STUM: variants seen among roughly 807,000 people sequenced by gnomAD.
STUM encodes protein stum homolog.
Under a neutral mutation model 15.3 loss-of-function variants are expected in STUM, and 8 were observed. That is an observed-to-expected ratio of 0.52 (90% CI 0.31 to 0.94). STUM has a LOEUF of 0.94. STUM is among the 40% of genes least tolerant of loss of function. The probability of loss-of-function intolerance (pLI) is 0.05; values close to 1 mark genes in which losing one functional copy is unlikely to be tolerated. For synonymous variants in STUM, 78 were observed against 88.7 expected, an observed-to-expected ratio of 0.88 and a Z score of 0.68; for missense variants, 142 against 204.9, an observed-to-expected ratio of 0.69 and a Z score of 1.87.
chr1:226,561,271 G>A (rs1667537876), intron 1 of STUM, among the ~76,000 whole-genome samples: 1 of 152,202 alleles, frequency 6.6e-6, no homozygotes, highest in Non-Finnish European at 1.5e-5. Flanking sequence ...TGTAGTAGGT[G>A]TTTGCTGAAG....
chr1:226,557,807 C>A (rs1667470839), intron 1 of STUM, among the ~76,000 whole-genome samples: 1 of 152,130 alleles, frequency 6.6e-6, no homozygotes, highest in Non-Finnish European at 1.5e-5. Context: ...AAGATTTATC[C>A]CTAGGATGCC....
intron 1 of STUM, among the ~76,000 whole-genome samples, chr1:226,569,241 T>G (rs1183782296): frequency 6.6e-6 from 1 of 152,178 alleles, no homozygotes; most frequent in Non-Finnish European, 1.5e-5. Context: ...ACATATAAAG[T>G]CTTAGAATAG....
At chr1:226,569,431 C>T (rs563192333) in intron 1 of STUM, among the ~76,000 whole-genome samples, 5 of 152,250 alleles carry the variant, frequency 3.3e-5, no homozygotes, top group African/African-American at 9.6e-5. Flanking sequence ...CACTCAGCTC[C>T]GCACCTCCAT....
intron 1 of STUM, among the ~76,000 whole-genome samples, chr1:226,583,607 G>C (rs1453899928): frequency 6.6e-6 from 1 of 152,044 alleles, no homozygotes; most frequent in Non-Finnish European, 1.5e-5. Flanking sequence ...GGTCCTCAGG[G>C]AGCTCCTCCT....
At chr1:226,573,582 A>G (rs1289276884) in intron 1 of STUM, among the ~76,000 whole-genome samples, 1 of 152,202 alleles carries the variant, frequency 6.6e-6, no homozygotes, top group Non-Finnish European at 1.5e-5. Flanking sequence ...GGTGACTCAT[A>G]GTGATCCACA....
intron 1 of STUM, among the ~76,000 whole-genome samples, chr1:226,585,259 C>T (rs1162020867): frequency 6.6e-6 from 1 of 152,156 alleles, no homozygotes; most frequent in Non-Finnish European, 1.5e-5. Context: ...TTTTATTTTC[C>T]TAGTCATAAT....
intron 1 of STUM, among the ~76,000 whole-genome samples, chr1:226,592,845 T>C (rs1356803937): frequency 1.3e-5 from 2 of 152,208 alleles, no homozygotes; most frequent in Non-Finnish European, 2.9e-5. Flanking sequence ...ATTCCTCAGC[T>C]GCGGCCTTCT....
At chr1:226,570,862 AT>A (rs771151069) in intron 1 of STUM, among the ~76,000 whole-genome samples, 2 of 152,172 alleles carry the variant, frequency 1.3e-5, no homozygotes, top group African/African-American at 2.4e-5. Context: ...TTAAAAATGC[AT>A]TTTTAATGCA....
chr1:226,563,872 T>C (rs1667579668), intron 1 of STUM, among the ~76,000 whole-genome samples: 1 of 152,186 alleles, frequency 6.6e-6, no homozygotes, highest in Non-Finnish European at 1.5e-5. Flanking sequence ...GTGGCCTGAC[T>C]CAGAAGGGAA....
Position 226,596,844 on chromosome 1 carries a change from C to A in STUM, c.245C>A (p.Thr82Asn). Residue 82 changes from threonine (T) to asparagine (N), a missense_variant, in exon 2 of 4, where the codon ACC becomes AAC. Thr to Asn is a moderately conservative substitution (Grantham distance 65). Around this residue, in one of 2 missense-constraint regions of STUM, gnomAD observed 113 missense variants for 134.4 expected, o/e 0.84. Transcript: ENST00000366788. ...SAFTVLCGAR[T>N]DLPDRHVCCV... ...TTCACTGTGCTGTGCGGGGCCCGCACCGACCTCCCGGACAGGCATGTGTGC... is the reference window on the plus strand; with the variant it reads ...TTCACTGTGCTGTGCGGGGCCCGCAACGACCTCCCGGACAGGCATGTGTGC... The A allele has an allele frequency of 6.2e-7, 1 of 1,614,218 alleles. No homozygotes were observed. Among genetic ancestry groups the A allele is most frequent in the Non-Finnish European group, 8.5e-7 (1 of 1,180,040 alleles).
At chr1:226,563,931 T>C (rs921317265) in intron 1 of STUM, among the ~76,000 whole-genome samples, 6 of 152,174 alleles carry the variant, frequency 3.9e-5, no homozygotes, top group Non-Finnish European at 8.8e-5. Context: ...GTTCTGAGGC[T>C]CAAGGCAGAA....
chr1:226,592,602 C>G (rs771375434), intron 1 of STUM, among the ~76,000 whole-genome samples: 26 of 152,200 alleles, frequency 1.7e-4, no homozygotes, highest in Non-Finnish European at 7.3e-5. Context: ...CAGCAAATGG[C>G]ACCTATGTTA....
At chr1:226,589,947 T>C (rs561337586) in intron 1 of STUM, among the ~76,000 whole-genome samples, 516 of 42,624 alleles carry the variant, frequency 0.012, 4 homozygotes, top group African/African-American at 0.046. Flanking sequence ...GAATGTTAAT[T>C]TTTTTTTTAA....
At chr1:226,586,761 G>T (rs1365985955) in intron 1 of STUM, among the ~76,000 whole-genome samples, 1 of 152,132 alleles carries the variant, frequency 6.6e-6, no homozygotes, top group Non-Finnish European at 1.5e-5. Context: ...TAGCCGTGTT[G>T]TCTCCTATAA....
At chr1:226,553,384 G>A (rs1667399776) in intron 1 of STUM, among the ~76,000 whole-genome samples, 1 of 152,158 alleles carries the variant, frequency 6.6e-6, no homozygotes, top group South Asian at 2.1e-4. Flanking sequence ...ATTAGTAATT[G>A]CAGTAAAGAC....
intron 1 of STUM, among the ~76,000 whole-genome samples, chr1:226,572,763 G>A (rs970118016): frequency 2.6e-5 from 4 of 152,256 alleles, no homozygotes; most frequent in African/African-American, 9.6e-5. Context: ...GAGCAGGAAA[G>A]TCAGGGTCCG....
intron 1 of STUM, among the ~76,000 whole-genome samples, chr1:226,586,109 T>C (rs556347389): frequency 3.9e-4 from 59 of 152,220 alleles, no homozygotes; most frequent in African/African-American, 1.3e-3. Context: ...TGACTGGAGA[T>C]GTTCTGCTAT....
intron 1 of STUM, among the ~76,000 whole-genome samples, chr1:226,575,606 A>G (rs1667796358): frequency 6.6e-6 from 1 of 152,218 alleles, no homozygotes; most frequent in Non-Finnish European, 1.5e-5. Context: ...AGACGGGGCA[A>G]AGGCCCAGGC....
At chr1:226,593,977 T>C (rs1668130987) in intron 1 of STUM, among the ~76,000 whole-genome samples, 1 of 152,200 alleles carries the variant, frequency 6.6e-6, no homozygotes, top group South Asian at 2.1e-4. Context: ...GGTGTACTTC[T>C]TTGAATGCCA....
Sources: gnomAD v4.1 joint callset for allele counts (sites outside exome capture counted in the v4.1 genomes callset) on GRCh38, gnomAD v4.1.1 for gene constraint, gnomAD v4.1.1 regional missense constraint, MANE v1.5 for transcripts, NCBI Gene and HGNC (gene_info 2026-07-23, HGNC 2026-07-21) for gene names.